CLCC1: variants seen among roughly 807,000 people sequenced by gnomAD.
The protein encoded by CLCC1 is chloride channel CLIC like 1, also known as chloride channel CLIC-like protein 1.
In CLCC1, 39 loss-of-function variants were observed where a neutral mutation model predicts 63.3. The ratio of observed to expected loss-of-function variants is 0.62; its 90% confidence interval spans 0.48 to 0.81. The LOEUF (loss-of-function observed/expected upper bound fraction) is 0.81. Ranked by LOEUF, CLCC1 falls within the 30% of genes least tolerant of loss-of-function variation. CLCC1 has a pLI of 0.00. For missense variants in CLCC1, 549 were observed against 669.4 expected (o/e 0.82, Z 1.98); for synonymous variants, 217 against 239.8 (o/e 0.90, Z 0.88).
chr1:108,935,617 T>C (rs1052396090), intron 11 of CLCC1, among the ~76,000 whole-genome samples: 7 of 152,040 alleles, frequency 4.6e-5, no homozygotes, highest in Admixed American at 1.3e-4. Flanking sequence ...ATAAAAAATA[T>C]TAGCCAGGCA....
rs919909064 is a variant in CLCC1 at position 108,931,161 on chromosome 1, T to TAAAAACA, written c.*1379_*1385dup. On this transcript the variant is annotated 3_prime_UTR_variant, in exon 13 of 13. Transcript: ENST00000369969. ...AAACAAACTTTTCTAAGTTCTAATA[T>TAAAAACA]AAAAACAAAAAACAAAACCCATGTG... 1.4e-6 allele frequency: 1 copy of TAAAAACA among 704,076 alleles called. No individual in the cohort carries two copies. The highest frequency in any genetic ancestry group is 1.8e-5 in the African/African-American group (1 of 54,704). The allele number at this position is 704,076 out of a possible 1,614,324, so 43.6% of individuals were successfully genotyped here.
chr1:108,937,406 C>G lies in CLCC1; in HGVS notation c.1054G>C (p.Gly352Arg). 1 of 1,595,746 alleles carries G rather than the reference C, an allele frequency of 6.3e-7. No individual in the cohort carries two copies. Among genetic ancestry groups the G allele is most frequent in the Non-Finnish European group, 8.5e-7 (1 of 1,171,450 alleles). Reference sequence around the variant, plus strand: ...AGCACATGAACTGATTTTCCAGCACCATAGCAGAAACTCTGTAAGGAAAAG... The same window carrying G: ...AGCACATGAACTGATTTTCCAGCACGATAGCAGAAACTCTGTAAGGAAAAG... ...MALAILSFCY[G>R]AGKSVHVLRH... Residue 352 changes from glycine (G) to arginine (R), a missense_variant, in exon 11 of 13, where the codon GGT becomes CGT. Coordinates refer to ENST00000369969, the MANE Select transcript of CLCC1 (RefSeq NM_001377458.1).
At position 108,943,463 on chromosome 1, in the gene CLCC1, T is replaced by G. The variant is rs1270520693; in HGVS notation, c.702+12A>C. 6.2e-7 allele frequency: 1 copy of G among 1,607,598 alleles called. No individual in the cohort carries two copies. Among genetic ancestry groups the G allele is most frequent in the Non-Finnish European group, 8.5e-7 (1 of 1,177,094 alleles). ...TGTGTTAAAATTGTAAAACCCTCCATCCATATAATACCTTATATAAATACA... is the reference window on the plus strand; with the variant it reads ...TGTGTTAAAATTGTAAAACCCTCCAGCCATATAATACCTTATATAAATACA... On this transcript the variant is annotated intron_variant, in intron 7 of 12. Coordinates refer to ENST00000369969, the MANE Select transcript of CLCC1 (RefSeq NM_001377458.1).
rs1162230849 is a variant in CLCC1 at position 108,947,689 on chromosome 1, T to C, written c.261A>G (p.Glu87=). The change falls in exon 5 of 13, where the codon GAA becomes GAG. Residue 87 remains glutamate (E), a synonymous_variant. Coordinates refer to ENST00000369969, the MANE Select transcript of CLCC1 (RefSeq NM_001377458.1). The part of the protein sequence containing the change: ...KIDECEKKKR[E]DYESQSNPVF... ...CAGGATTGCTTTGACTTTCATAGTCTTCCCTCTTTTTCTTTTCACACTCAT... is the reference window on the plus strand; with the variant it reads ...CAGGATTGCTTTGACTTTCATAGTCCTCCCTCTTTTTCTTTTCACACTCAT... The C allele has an allele frequency of 6.2e-7, 1 of 1,609,662 alleles. No individual in the cohort carries two copies. Among genetic ancestry groups the C allele is most frequent in the African/African-American group, 1.3e-5 (1 of 74,864 alleles).
In CLCC1 at chr1:108,947,617, A is replaced by G. The variant is rs868654938; in HGVS notation, c.333T>C (p.Leu111=). The change falls in exon 5 of 13, where the codon CTT becomes CTC. Residue 111 remains leucine, a synonymous_variant. Transcript: ENST00000369969. ...LNKILIEAGK[L]GLPDENKGDM... Reference sequence around the variant, plus strand: ...CACACCATCAAATACTCACAAGTCCAAGCTTTCCAGCTTCAATTAAAATCT... The same window carrying G: ...CACACCATCAAATACTCACAAGTCCGAGCTTTCCAGCTTCAATTAAAATCT... The G allele has an allele frequency of 1.3e-6, 2 of 1,599,996 alleles. No homozygotes were observed. Among genetic ancestry groups the G allele is most frequent in the Middle Eastern group, 1.7e-4 (1 of 6,008 alleles).
At chr1:108,960,956 A>C (rs1418007399) in intron 2 of CLCC1, among the ~76,000 whole-genome samples, 1 of 152,084 alleles carries the variant, frequency 6.6e-6, no homozygotes, top group African/African-American at 2.4e-5. Context: ...TGTCTTCCCA[A>C]AGTGCTGGGA....
At chr1:108,948,140 CAG>C (rs1335472907) in intron 4 of CLCC1, among the ~76,000 whole-genome samples, 1 of 152,154 alleles carries the variant, frequency 6.6e-6, no homozygotes, top group Non-Finnish European at 1.5e-5. Flanking sequence ...GACAGAGAAA[CAG>C]AAACAAGATG....
chr1:108,930,745 T>G lies in CLCC1; in HGVS notation c.*1802A>C, dbSNP rs1051171238. On this transcript the variant is annotated 3_prime_UTR_variant, in exon 13 of 13. Transcript: ENST00000369969. ...CTCTACTAAAAATACAAAAATTAGC[T>G]GGGCATGGTGGCATGCGCCTGTAGT... 6 of 152,396 alleles carry G rather than the reference T, an allele frequency of 3.9e-5. No homozygotes were observed. Among genetic ancestry groups the G allele is most frequent in the African/African-American group, 7.2e-5 (3 of 41,396 alleles). 9.4% of individuals were successfully genotyped at this position (152,396 alleles called of 1,614,324 possible). A position where few individuals can be genotyped will look rare whatever the true frequency, so the allele number is the denominator to read the frequency against.
intron 4 of CLCC1, among the ~76,000 whole-genome samples, chr1:108,949,062 A>G (rs992564837): frequency 6.6e-6 from 1 of 152,120 alleles, no homozygotes; most frequent in African/African-American, 2.4e-5. Context: ...TATCCCCCCT[A>G]CTTCCCTAAG....
intron 4 of CLCC1, 82 bp from the exon 5 acceptor site, chr1:108,947,800 G>T: frequency 1.1e-6 from 1 of 889,164 alleles, no homozygotes; most frequent in Non-Finnish European, 1.7e-6. Flanking sequence ...TGCTGTCATC[G>T]GAATCAAGGT....
chr1:108,936,585 T>C (rs1653041348), intron 11 of CLCC1, among the ~76,000 whole-genome samples: 1 of 152,198 alleles, frequency 6.6e-6, no homozygotes. Context: ...AGACTGATAA[T>C]GGTGAAAAAC....
chr1:108,947,757 A>C (rs765257436), intron 4 of CLCC1, 39 bp from the exon 5 acceptor site: 1 of 1,357,524 alleles, frequency 7.4e-7, no homozygotes. Flanking sequence ...GTTAGAGTCA[A>C]AGTATAATAT....
chr1:108,939,978 A>G, intron 9 of CLCC1, 67 bp downstream of exon 9: 3 of 1,364,196 alleles, frequency 2.2e-6, no homozygotes, highest in East Asian at 2.3e-5. Context: ...CTCAAACACT[A>G]AAGTTCTTTA....
At chr1:108,949,321 CTTAT>C (rs949469485) in intron 4 of CLCC1, among the ~76,000 whole-genome samples, 6 of 152,302 alleles carry the variant, frequency 3.9e-5, no homozygotes, top group African/African-American at 1.4e-4. Flanking sequence ...CATCCCTTGA[CTTAT>C]TTATTTTTGT....
intron 8 of CLCC1, among the ~76,000 whole-genome samples, chr1:108,940,668 G>A (rs1036327615): frequency 6.6e-6 from 1 of 152,184 alleles, no homozygotes; most frequent in African/African-American, 2.4e-5. Context: ...AAAATAAAGT[G>A]GAATATTAGT....
chr1:108,937,533 T>C, intron 10 of CLCC1, 115 bp from the exon 11 acceptor site: 1 of 889,170 alleles, frequency 1.1e-6, no homozygotes, highest in Non-Finnish European at 1.6e-6. Context: ...CTTGTGGCAT[T>C]TATAGACATA....
intron 2 of CLCC1, among the ~76,000 whole-genome samples, chr1:108,957,532 T>C (rs914330882): frequency 4.6e-5 from 7 of 151,578 alleles, no homozygotes; most frequent in Non-Finnish European, 8.8e-5. Flanking sequence ...TTATGGCATA[T>C]ACTGAGATAT....
intron 2 of CLCC1, among the ~76,000 whole-genome samples, chr1:108,960,442 A>C (rs1006339005): frequency 6.6e-6 from 1 of 152,184 alleles, no homozygotes; most frequent in African/African-American, 2.4e-5. Context: ...TGGATTGGTT[A>C]ATTAGTTGGC....
In CLCC1 at chr1:108,943,995, C is replaced by G. The variant is rs771208913; in HGVS notation, c.402G>C (p.Leu134Phe). ...DAEIILKRET[L>F]LEIQKFLNGE... ...CATTGAGAAACTTCTGTATTTCTAA[C>G]AAAGTTTCTCTTTTAAGGATAATCT... The change falls in exon 6 of 13, where the codon TTG (leucine) becomes TTC (phenylalanine). Residue 134 changes from leucine to phenylalanine, a missense_variant. By Grantham distance (22) the Leu-to-Phe change is conservative. Transcript: ENST00000369969. 11 of 1,613,546 alleles carry G rather than the reference C, an allele frequency of 6.8e-6. No homozygotes were observed. The highest frequency in any genetic ancestry group is 9.3e-6 in the Non-Finnish European group (11 of 1,179,816).
Sources: allele counts gnomAD v4.1 joint callset (sites outside exome capture counted in the v4.1 genomes callset), GRCh38; gene constraint gnomAD v4.1.1; transcripts MANE v1.5; gene names NCBI Gene and HGNC (gene_info 2026-07-23, HGNC 2026-07-21).